The following DUS2 variants were observed in gnomAD, a reference collection of about 807,000 sequenced individuals.
The protein encoded by DUS2 is tRNA-dihydrouridine(20) synthase [NAD(P)+]-like.
DUS2 carries 52 observed loss-of-function variants against 71.3 expected under a neutral mutation model. The observed-to-expected ratio is 0.73, with a 90% CI of 0.58 to 0.92. DUS2 has a LOEUF of 0.92. DUS2 is among the 40% of genes least tolerant of loss of function. DUS2 has a pLI of 0.00. For missense variants in DUS2, 558 were observed against 622.6 expected, an observed-to-expected ratio of 0.90 and a Z score of 1.10; for synonymous variants, 204 against 227.8, an observed-to-expected ratio of 0.90 and a Z score of 0.94.
At chr16:68,046,587 G>C (rs2033704716) in intron 3 of DUS2, among the ~76,000 whole-genome samples, 1 of 151,954 alleles carries the variant, frequency 6.6e-6, no homozygotes, top group South Asian at 2.1e-4. Flanking sequence ...TTAATTTCTT[G>C]TTTTAGGACT....
At chr16:68,072,173 T>A (rs185864463) in intron 12 of DUS2, among the ~76,000 whole-genome samples, 1 of 152,352 alleles carries the variant, frequency 6.6e-6, no homozygotes, top group African/African-American at 2.4e-5. Flanking sequence ...TCCATGGCTG[T>A]GCAAGCTAGG....
chr16:68,062,354 A>G (rs1183249472), intron 8 of DUS2, among the ~76,000 whole-genome samples: 1 of 151,828 alleles, frequency 6.6e-6, no homozygotes, highest in Non-Finnish European at 1.5e-5. Context: ...TGAAGTAGAT[A>G]GGATTGGCAG....
chr16:68,063,797 C>T (rs1185002156), intron 8 of DUS2, among the ~76,000 whole-genome samples: 1 of 152,122 alleles, frequency 6.6e-6, no homozygotes, highest in Non-Finnish European at 1.5e-5. Context: ...GATCTCAGCT[C>T]ACTGCAACAT....
chr16:68,045,013 G>A (rs951119795), intron 3 of DUS2, among the ~76,000 whole-genome samples: 8 of 151,494 alleles, frequency 5.3e-5, no homozygotes, highest in Non-Finnish European at 8.8e-5. Context: ...GGCTGGTCTT[G>A]AACTCCTGAC....
intron 10 of DUS2, among the ~76,000 whole-genome samples, chr16:68,068,889 C>G (rs2034046148): frequency 6.6e-6 from 1 of 151,876 alleles, no homozygotes; most frequent in South Asian, 2.1e-4. Flanking sequence ...CGTGAGCCAC[C>G]ATGCCAAGCC....
intron 2 of DUS2, among the ~76,000 whole-genome samples, chr16:68,028,429 T>A (rs2151407502): frequency 6.6e-6 from 1 of 150,932 alleles, no homozygotes; most frequent in African/African-American, 2.4e-5. Context: ...AAGTCAGGAG[T>A]TTGAGACCAG....
Position 68,079,192 on chromosome 16 carries a change from G to A in DUS2, c.*206G>A, listed in dbSNP as rs1236806360. On this transcript the variant is annotated 3_prime_UTR_variant, in exon 17 of 17. Transcript: ENST00000565263. The stretch of plus-strand genomic sequence containing the variant: ...CCCTTTGGTGGATCTGAGTGACAGG[G>A]TCAAGTTCTCTTTGAAAACAGGAGC... The A allele has an allele frequency of 2.2e-6, 1 of 450,754 alleles. No individual in the cohort carries two copies. 27.9% of individuals were successfully genotyped at this position (450,754 alleles called of 1,614,324 possible).
intron 4 of DUS2, among the ~76,000 whole-genome samples, chr16:68,050,790 A>C (rs2033768428): frequency 6.6e-6 from 1 of 152,166 alleles, no homozygotes. Flanking sequence ...GTCAGTACCT[A>C]GGGGCAACTA....
chr16:68,049,951 A>G (rs942018287), intron 4 of DUS2, among the ~76,000 whole-genome samples: 5 of 152,122 alleles, frequency 3.3e-5, no homozygotes, highest in Non-Finnish European at 7.4e-5. Context: ...CTTTACTTCA[A>G]TCATAGGGTT....
At chr16:68,078,590 C>T in intron 16 of DUS2, 72 bp downstream of exon 16, 1 of 1,556,150 alleles carries the variant, frequency 6.4e-7, no homozygotes, top group Non-Finnish European at 8.8e-7. Context: ...ACACATCCAG[C>T]ATTGTCCTAG....
At chr16:68,067,833 A>AT (rs1341932841) in intron 10 of DUS2, among the ~76,000 whole-genome samples, 3 of 150,128 alleles carry the variant, frequency 2.0e-5, no homozygotes, top group East Asian at 2.0e-4. Flanking sequence ...CTAATTTTTT[A>AT]TTTTTTTGTA....
At chr16:68,078,286 C>A in intron 15 of DUS2, 159 bp from the exon 16 acceptor site, 1 of 683,636 alleles carries the variant, frequency 1.5e-6, no homozygotes, top group East Asian at 2.6e-5. Flanking sequence ...TGCCTTTCTC[C>A]ACTGGGCACT....
At chr16:68,051,526 G>A (rs977246990) in intron 4 of DUS2, among the ~76,000 whole-genome samples, 3 of 152,070 alleles carry the variant, frequency 2.0e-5, no homozygotes, top group Non-Finnish European at 4.4e-5. Context: ...AAGTAGCTGG[G>A]ATTTCAGGTG....
chr16:68,048,554 T>C (rs1162362642), intron 3 of DUS2, among the ~76,000 whole-genome samples: 1 of 152,180 alleles, frequency 6.6e-6, no homozygotes, highest in Admixed American at 6.5e-5. Context: ...ATGGAGAGAA[T>C]GGCCACAGAA....
chr16:68,072,907 AGTAACCCAT>A (rs1410821463), intron 12 of DUS2, among the ~76,000 whole-genome samples: 4 of 152,238 alleles, frequency 2.6e-5, no homozygotes, highest in Admixed American at 2.6e-4. Context: ...TGTAGTCATG[AGTAACCCAT>A]GTGAACTAAA....
chr16:68,064,225 G>A (rs577455276), intron 8 of DUS2, among the ~76,000 whole-genome samples: 18 of 152,306 alleles, frequency 1.2e-4, no homozygotes, highest in African/African-American at 4.3e-4. Flanking sequence ...GCTCAAATAT[G>A]GACTTGTCTC....
At chr16:68,070,255 C>A in intron 11 of DUS2, 35 bp downstream of exon 11, 2 of 1,578,344 alleles carry the variant, frequency 1.3e-6, no homozygotes, top group Non-Finnish European at 1.7e-6. Flanking sequence ...ACTCTGTGTC[C>A]CACAGAGCTA....
At chr16:68,073,845 T>C (rs528065022) in intron 12 of DUS2, among the ~76,000 whole-genome samples, 189 bp from the exon 13 acceptor site, 128 of 152,270 alleles carry the variant, frequency 8.4e-4, no homozygotes, top group Non-Finnish European at 1.6e-3. Flanking sequence ...TGCATTGGCC[T>C]CTCAGAGTGC....
intron 13 of DUS2, 109 bp from the exon 14 acceptor site, chr16:68,075,246 T>A: frequency 9.3e-7 from 1 of 1,080,018 alleles, no homozygotes; most frequent in East Asian, 2.7e-5. Flanking sequence ...GGTGGTGTTT[T>A]GGTGTATGTG....
Sources: allele counts gnomAD v4.1 joint callset (sites outside exome capture counted in the v4.1 genomes callset), GRCh38; gene constraint gnomAD v4.1.1; transcripts MANE v1.5; gene names NCBI Gene and HGNC (gene_info 2026-07-23, HGNC 2026-07-21).